Variants in CALCR observed in about 807,000 individuals in gnomAD.
CALCR encodes calcitonin receptor.
In CALCR, 47 loss-of-function variants were observed where a neutral mutation model predicts 59.5. The observed-to-expected ratio is 0.79, with a 90% CI of 0.63 to 1.01. The LOEUF is 1.01. Ranked by LOEUF, CALCR falls within the 50% of genes least tolerant of loss-of-function variation. The pLI is 0.00. For synonymous variants in CALCR, 213 were observed against 211.3 expected (o/e 1.01, Z -0.07); for missense variants, 566 against 597.1 (o/e 0.95, Z 0.54).
intron 13 of CALCR, 123 bp from the exon 14 acceptor site, chr7:93,426,712 A>C (rs1197731568): frequency 1.7e-6 from 1 of 601,992 alleles, no homozygotes; most frequent in African/African-American, 1.9e-5. Flanking sequence ...TCTGATCTAA[A>C]GGGCTGGGCT....
At chr7:93,472,303 C>A in intron 6 of CALCR, 72 bp downstream of exon 6, 1 of 840,860 alleles carries the variant, frequency 1.2e-6, no homozygotes, top group South Asian at 1.7e-5. Context: ...AGATATTTTA[C>A]AGTTATGCGT....
chr7:93,476,461 G>A (rs10252375), intron 5 of CALCR, among the ~76,000 whole-genome samples: 9,198 of 151,810 alleles, frequency 0.061, 887 homozygotes, highest in African/African-American at 0.2. Flanking sequence ...ATTATGTTAT[G>A]TATATGTTTA....
chr7:93,516,162 T>A (rs1801646228), intron 2 of CALCR, among the ~76,000 whole-genome samples: 1 of 151,948 alleles, frequency 6.6e-6, no homozygotes, highest in African/African-American at 2.4e-5. Context: ...AGGTTTAACA[T>A]CACCCTCTGT....
chr7:93,492,266 G>A (rs1396950871), intron 2 of CALCR, among the ~76,000 whole-genome samples: 1 of 150,930 alleles, frequency 6.6e-6, no homozygotes, highest in Non-Finnish European at 1.5e-5. Context: ...GCGAAGGGAG[G>A]AAACTTAGAG....
At chr7:93,472,080 T>C (rs753247756) in intron 6 of CALCR, among the ~76,000 whole-genome samples, 28 of 151,806 alleles carry the variant, frequency 1.8e-4, no homozygotes, top group Non-Finnish European at 3.7e-4. Flanking sequence ...ATTTCTGGCA[T>C]CATTGGGAAT....
intron 2 of CALCR, among the ~76,000 whole-genome samples, chr7:93,561,574 C>T (rs1789749134): frequency 6.6e-6 from 1 of 151,952 alleles, no homozygotes; most frequent in Non-Finnish European, 1.5e-5. Flanking sequence ...TCAACTATCA[C>T]CATCATTAGA....
rs140388547 is a variant in CALCR, at chr7:93,436,108, A to G, written c.993T>C (p.His331=). 2.2e-4 allele frequency: 355 copies of G among 1,614,188 alleles called. 4 individuals are homozygous for G. The East Asian group carries it at 7.4e-3, about 33-fold the overall frequency. The change falls in exon 12 of 14, where the codon CAT becomes CAC. Residue 331 remains histidine, a synonymous_variant. Transcript: ENST00000426151. The part of the protein sequence containing the change: ...RVLVTKMRET[H]EAESHMYLKA... The stretch of plus-strand genomic sequence containing the variant: ...TCAGGTACATGTGGGATTCCGCCTC[A>G]TGGGTTTCCCTCATTTTGGTCACAA...
intron 2 of CALCR, among the ~76,000 whole-genome samples, chr7:93,569,790 C>T (rs1406642697): frequency 2.0e-5 from 3 of 152,040 alleles, no homozygotes; most frequent in Non-Finnish European, 4.4e-5. Flanking sequence ...ATGATTAATA[C>T]ATTTTAAGGA....
intron 8 of CALCR, among the ~76,000 whole-genome samples, chr7:93,449,013 A>G (rs566916839): frequency 3.2e-4 from 48 of 152,096 alleles, no homozygotes; most frequent in Non-Finnish European, 5.4e-4. Context: ...CCCACTATAC[A>G]AACATATTAA....
intron 2 of CALCR, among the ~76,000 whole-genome samples, chr7:93,501,955 A>G (rs1801329697): frequency 6.6e-6 from 1 of 152,080 alleles, no homozygotes; most frequent in Admixed American, 6.6e-5. Flanking sequence ...ACAGAGCTCC[A>G]ATCTTGTTCT....
intron 2 of CALCR, among the ~76,000 whole-genome samples, chr7:93,530,005 T>C (rs1262697309): frequency 6.6e-5 from 10 of 152,186 alleles, no homozygotes; most frequent in African/African-American, 2.4e-4. Flanking sequence ...TCCAGTTTCA[T>C]AGCATGATCT....
chr7:93,544,166 T>C (rs1041261157), intron 2 of CALCR, among the ~76,000 whole-genome samples: 6 of 151,818 alleles, frequency 4.0e-5, no homozygotes, highest in Admixed American at 1.3e-4. Flanking sequence ...CTTACATTGA[T>C]AAGAAACTAA....
At position 93,477,984 on chromosome 7, in the gene CALCR, A is replaced by AAAAAAAAT. The variant is rs1562989516; in HGVS notation, c.206-317_206-316insATTTTTTT. Among the ~76,000 whole-genome samples, 456 of 149,566 alleles carry AAAAAAAAT rather than the reference A, an allele frequency of 3.0e-3. 2 individuals carry two copies. Among genetic ancestry groups the AAAAAAAAT allele is most frequent in the African/African-American group, 0.01 (426 of 40,846 alleles). On this transcript the variant is annotated intron_variant, in intron 4 of 13. Transcript: ENST00000426151. ...CTCAAAAAAAAAAAAAAAAAAAAAA[A>AAAAAAAAT]AAAAAAAAAAATTCTACCTAAAACC...
At chr7:93,512,186 C>T (rs1801560551) in intron 2 of CALCR, among the ~76,000 whole-genome samples, 1 of 152,138 alleles carries the variant, frequency 6.6e-6, no homozygotes, top group African/African-American at 2.4e-5. Context: ...GCAGAGTATG[C>T]TTTGTGACTA....
At chr7:93,462,213 A>C in intron 7 of CALCR, 2 of 583,252 alleles carry the variant, frequency 3.4e-6, no homozygotes, top group Non-Finnish European at 5.9e-6. Flanking sequence ...ATAGTAACTC[A>C]TTAATAAATA....
At chr7:93,427,532 C>T (rs573226784) in intron 13 of CALCR, among the ~76,000 whole-genome samples, 1 of 152,296 alleles carries the variant, frequency 6.6e-6, no homozygotes, top group African/African-American at 2.4e-5. Context: ...TTAGTTCATT[C>T]TGCTGCCAAA....
At chr7:93,561,263 T>TA (rs1789740147) in intron 2 of CALCR, among the ~76,000 whole-genome samples, 1 of 152,170 alleles carries the variant, frequency 6.6e-6, no homozygotes, top group South Asian at 2.1e-4. Context: ...TGCTATTCTA[T>TA]AAAAATATAT....
At chr7:93,533,987 C>T (rs994979313) in intron 2 of CALCR, among the ~76,000 whole-genome samples, 2 of 151,638 alleles carry the variant, frequency 1.3e-5, no homozygotes, top group African/African-American at 2.4e-5. Flanking sequence ...AGAAAACAGA[C>T]CACCATTGGT....
chr7:93,435,860 A>C (rs1584534604), intron 12 of CALCR, 92 bp downstream of exon 12: 1 of 463,294 alleles, frequency 2.2e-6, no homozygotes, highest in Non-Finnish European at 3.8e-6. Flanking sequence ...ACAAATAAGT[A>C]AAATAATAAT....
Sources: gnomAD v4.1 joint callset for allele counts (sites outside exome capture counted in the v4.1 genomes callset) on GRCh38, gnomAD v4.1.1 for gene constraint, MANE v1.5 for transcripts, NCBI Gene and HGNC (gene_info 2026-07-23, HGNC 2026-07-21) for gene names.